The following CDKAL1 variants were observed in gnomAD, a reference collection of about 807,000 sequenced individuals.
CDKAL1 encodes the protein threonylcarbamoyladenosine tRNA methylthiotransferase.
A neutral mutation model predicts 68.2 loss-of-function variants in CDKAL1; 32 were observed. The ratio of observed to expected loss-of-function variants is 0.47; its 90% CI spans 0.35 to 0.63. The LOEUF (loss-of-function observed/expected upper bound fraction) is 0.63, where lower values mean the gene tolerates loss of function less well. Among genes scored for constraint, CDKAL1 ranks in the 30% least tolerant of loss-of-function variants. CDKAL1 has a pLI of 0.00. For synonymous variants in CDKAL1, 234 were observed against 244.3 expected (o/e 0.96, Z 0.39); for missense variants, 606 against 696.7 (o/e 0.87, Z 1.47).
intron 12 of CDKAL1, among the ~76,000 whole-genome samples, chr6:21,079,240 G>T (rs1772250115): frequency 6.6e-6 from 1 of 152,126 alleles, no homozygotes; most frequent in Non-Finnish European, 1.5e-5. Context: ...GGTACTATAG[G>T]CAAGGCTTAG....
chr6:21,191,059 T>C (rs990754358), intron 13 of CDKAL1, among the ~76,000 whole-genome samples: 1 of 152,258 alleles, frequency 6.6e-6, no homozygotes, highest in Non-Finnish European at 1.5e-5. Context: ...GTCCAAAGAA[T>C]ACTTTTGCAA....
At chr6:21,016,019 A>G (rs1301219896) in intron 11 of CDKAL1, among the ~76,000 whole-genome samples, 3 of 151,828 alleles carry the variant, frequency 2.0e-5, no homozygotes, top group African/African-American at 7.3e-5. Flanking sequence ...TTATGAAATA[A>G]TCAGGTTCCA....
At chr6:21,081,196 A>G (rs1362825581) in intron 12 of CDKAL1, among the ~76,000 whole-genome samples, 1 of 152,176 alleles carries the variant, frequency 6.6e-6, no homozygotes, top group Admixed American at 6.5e-5. Context: ...CGAATTTGTA[A>G]TTACCAAAAG....
At chr6:21,049,050 C>G (rs1479931636) in intron 11 of CDKAL1, among the ~76,000 whole-genome samples, 5 of 151,948 alleles carry the variant, frequency 3.3e-5, no homozygotes, top group Admixed American at 3.3e-4. Context: ...GATGAGCTTT[C>G]TTTTATATTG....
chr6:20,613,085 C>CAT (rs1309672897), intron 4 of CDKAL1, among the ~76,000 whole-genome samples: 28 of 150,408 alleles, frequency 1.9e-4, no homozygotes, highest in East Asian at 7.8e-4. Flanking sequence ...CACACACACA[C>CAT]ATATATATAT....
chr6:21,000,140 T>G (rs1481688453), intron 10 of CDKAL1, 87 bp from the exon 11 acceptor site: 2 of 989,130 alleles, frequency 2.0e-6, no homozygotes, highest in African/African-American at 3.2e-5. Flanking sequence ...AGTATGTTTA[T>G]TTGCTTGCGC....
At chr6:20,833,526 G>A (rs1016405434) in intron 8 of CDKAL1, among the ~76,000 whole-genome samples, 15 of 152,012 alleles carry the variant, frequency 9.9e-5, no homozygotes, top group African/African-American at 3.1e-4. Context: ...GGGATCTAGT[G>A]TAGCTCTTTA....
chr6:20,929,471 G>T (rs1224311085), intron 9 of CDKAL1, among the ~76,000 whole-genome samples: 1 of 152,134 alleles, frequency 6.6e-6, no homozygotes. Flanking sequence ...AGTAAGACAG[G>T]GATGTTTGGA....
intron 8 of CDKAL1, among the ~76,000 whole-genome samples, chr6:20,842,397 AAAATT>A (rs1207714566): frequency 2.0e-5 from 3 of 152,216 alleles, no homozygotes; most frequent in African/African-American, 2.4e-5. Context: ...TGTACCCACA[AAAATT>A]AAAAATAAAC....
chr6:20,573,294 T>A (rs1208521094), intron 4 of CDKAL1, among the ~76,000 whole-genome samples: 1 of 152,014 alleles, frequency 6.6e-6, no homozygotes, highest in African/African-American at 2.4e-5. Context: ...GTGACCATAA[T>A]GAGAATAGTA....
At chr6:21,074,156 A>T (rs1771941702) in intron 12 of CDKAL1, among the ~76,000 whole-genome samples, 1 of 152,194 alleles carries the variant, frequency 6.6e-6, no homozygotes, top group African/African-American at 2.4e-5. Flanking sequence ...CTACAAGTAC[A>T]AAGAAAAGCC....
At chr6:21,091,885 TTTTTTTTTTTTTTTTTTTTG>T (rs1773032569) in intron 12 of CDKAL1, among the ~76,000 whole-genome samples, 1 of 12,558 alleles carries the variant, frequency 8.0e-5, no homozygotes, top group African/African-American at 3.4e-4. Flanking sequence ...TTTTTTTTTT[TTTTTTTTTTTTTTTTTTTTG>T]AGACGGAGGC....
intron 13 of CDKAL1, among the ~76,000 whole-genome samples, chr6:21,169,398 G>T (rs2151072951): frequency 6.6e-6 from 1 of 152,352 alleles, no homozygotes; most frequent in South Asian, 2.1e-4. Flanking sequence ...ACTTTGGGAG[G>T]CTGAGGCAGG....
intron 8 of CDKAL1, among the ~76,000 whole-genome samples, chr6:20,800,296 A>G (rs1232562353): frequency 6.6e-6 from 1 of 152,248 alleles, no homozygotes; most frequent in East Asian, 1.9e-4. Flanking sequence ...TACATGCAAA[A>G]GCATGGATGA....
At chr6:21,024,578 A>C (rs1768856700) in intron 11 of CDKAL1, among the ~76,000 whole-genome samples, 1 of 152,222 alleles carries the variant, frequency 6.6e-6, no homozygotes, top group African/African-American at 2.4e-5. Flanking sequence ...ACCATCAAAA[A>C]TACATGTCCT....
chr6:21,212,912 GC>G (rs1779209455), intron 15 of CDKAL1, among the ~76,000 whole-genome samples: 1 of 152,076 alleles, frequency 6.6e-6, no homozygotes, highest in Non-Finnish European at 1.5e-5. Context: ...CTGATAGGAA[GC>G]CAACCTAAAA....
At chr6:20,942,428 C>T (rs902890408) in intron 9 of CDKAL1, among the ~76,000 whole-genome samples, 66 of 146,262 alleles carry the variant, frequency 4.5e-4, no homozygotes, top group Non-Finnish European at 7.6e-4. Context: ...AGGGCAGTGG[C>T]GTGATCTCGG....
At chr6:20,944,961 A>G (rs754943958) in intron 9 of CDKAL1, among the ~76,000 whole-genome samples, 3 of 152,070 alleles carry the variant, frequency 2.0e-5, no homozygotes, top group Non-Finnish European at 4.4e-5. Flanking sequence ...TCCTTTCCTC[A>G]GGGCTGAATC....
In CDKAL1 at chr6:20,539,951, C is replaced by G. The variant is rs1414785062; in HGVS notation, c.-6+4557C>G. On this transcript the variant is annotated intron_variant, in intron 2 of 15. Transcript: ENST00000274695. The surrounding 1 kb of genome is among the most constrained non-coding windows in gnomAD (Gnocchi z 4.3). Reference sequence around the variant, plus strand: ...CCAAGAGTGTAACAGTGGGTATGGTCACAAATAGATTCTGAATATATTTTG... The same window carrying G: ...CCAAGAGTGTAACAGTGGGTATGGTGACAAATAGATTCTGAATATATTTTG... 6.6e-6 allele frequency among the ~76,000 whole-genome samples: 1 copy of G among 151,958 alleles called. No homozygotes were observed. The highest frequency in any genetic ancestry group is 1.5e-5 in the Non-Finnish European group (1 of 68,012).
Sources: gnomAD v4.1 joint callset for allele counts (sites outside exome capture counted in the v4.1 genomes callset) on GRCh38, gnomAD v4.1.1 for gene constraint, Gnocchi (gnomAD v3.1) non-coding constraint, MANE v1.5 for transcripts, NCBI Gene and HGNC (gene_info 2026-07-23, HGNC 2026-07-21) for gene names.